The following TDRD5 variants were observed in gnomAD, a reference collection of about 807,000 sequenced individuals.
TDRD5 encodes the protein tudor domain-containing protein 5.
TDRD5 carries 41 observed loss-of-function variants against 120.6 expected under a neutral mutation model. The observed-to-expected ratio is 0.34, with a 90% CI of 0.26 to 0.44. The LOEUF (loss-of-function observed/expected upper bound fraction) is 0.44. Ranked by LOEUF, TDRD5 falls within the 20% of genes least tolerant of loss-of-function variation. TDRD5 has a pLI of 1.00. For missense variants in TDRD5, 1,006 were observed against 1,221.2 expected (o/e 0.82, Z 2.63); for synonymous variants, 430 against 433.7 (o/e 0.99, Z 0.11).
chr1:179,596,353 A>G (rs1008172121), intron 4 of TDRD5, among the ~76,000 whole-genome samples: 1 of 152,246 alleles, frequency 6.6e-6, no homozygotes, highest in Admixed American at 6.5e-5. Flanking sequence ...CATAATTTAC[A>G]TGTAGTAAAA....
At chr1:179,621,239 T>G in intron 6 of TDRD5, 148 bp downstream of exon 6, 1 of 564,678 alleles carries the variant, frequency 1.8e-6, no homozygotes, top group Non-Finnish European at 2.9e-6. Context: ...TTATAAGACT[T>G]GAGAATATGA....
chr1:179,670,025 A>G (rs1372479655), intron 17 of TDRD5, among the ~76,000 whole-genome samples: 1 of 152,214 alleles, frequency 6.6e-6, no homozygotes, highest in East Asian at 1.9e-4. Context: ...GAATTTGACC[A>G]TTATGAATAA....
At chr1:179,651,659 A>T (rs1444523293) in intron 12 of TDRD5, among the ~76,000 whole-genome samples, 1 of 152,208 alleles carries the variant, frequency 6.6e-6, no homozygotes, top group East Asian at 1.9e-4. Flanking sequence ...CACGCCTGTA[A>T]TCCCAGTACT....
chr1:179,657,466 AG>A (rs1304339595), intron 14 of TDRD5, among the ~76,000 whole-genome samples: 1 of 151,984 alleles, frequency 6.6e-6, no homozygotes, highest in African/African-American at 2.4e-5. Flanking sequence ...TATCCATTCT[AG>A]GGGGTGTTTT....
chr1:179,624,195 G>T (rs901360629), intron 6 of TDRD5, among the ~76,000 whole-genome samples: 2 of 152,114 alleles, frequency 1.3e-5, no homozygotes, highest in African/African-American at 4.8e-5. Flanking sequence ...GATTATTTTG[G>T]TAGATGCAGA....
chr1:179,625,006 G>A (rs932595594), intron 6 of TDRD5, among the ~76,000 whole-genome samples: 1 of 151,948 alleles, frequency 6.6e-6, no homozygotes, highest in African/African-American at 2.4e-5. Context: ...GGGCATGGTG[G>A]CTCATGCCTG....
rs931725817 is a variant in TDRD5, at chr1:179,650,880, C to T, written c.1814C>T (p.Ser605Leu). ...ATCATATTTCAGGAACACTGGACAT[C>T]GAAAGCTATTTTGCAGTTCCAGAAG... Reference protein sequence around the residue: ...WVRPVEEHWTSKAILQFQKLC... With the variant: ...WVRPVEEHWTLKAILQFQKLC... Residue 605 changes from serine to leucine, a missense_variant, in exon 12 of 18, where the codon TCG becomes TTG. By Grantham distance (145) the Ser-to-Leu change is moderately radical. This residue lies in a region of TDRD5 where 158 missense variants were observed against 257.5 expected (regional missense o/e 0.61). Coordinates refer to ENST00000444136, the MANE Select transcript of TDRD5 (RefSeq NM_001199085.3). The T allele has an allele frequency of 4.3e-6, 7 of 1,614,070 alleles. No individual in the cohort carries two copies. The South Asian group carries it at 4.4e-5, about 10-fold the overall frequency.
At chr1:179,609,884 T>G (rs1676189850) in intron 4 of TDRD5, among the ~76,000 whole-genome samples, 1 of 152,180 alleles carries the variant, frequency 6.6e-6, no homozygotes, top group Non-Finnish European at 1.5e-5. Flanking sequence ...TATTTCTGTG[T>G]CACTCCTCCT....
At chr1:179,671,038 G>A (rs1223110152) in intron 17 of TDRD5, among the ~76,000 whole-genome samples, 1 of 152,216 alleles carries the variant, frequency 6.6e-6, no homozygotes, top group Non-Finnish European at 1.5e-5. Context: ...AGGGTATGAT[G>A]TGAGGATCAA....
At chr1:179,605,556 C>G (rs1260097072) in intron 4 of TDRD5, among the ~76,000 whole-genome samples, 1 of 152,100 alleles carries the variant, frequency 6.6e-6, no homozygotes, top group East Asian at 1.9e-4. Flanking sequence ...TGACATATAT[C>G]CACTATTGTA....
chr1:179,663,407 T>C lies in TDRD5; in HGVS notation c.2565T>C (p.Leu855=). ...TWDDSWQPSG[L]VNGTKVEVHK... Reference sequence around the variant, plus strand: ...ATGATTCTTGGCAGCCTTCAGGCCTTGTAAATGGAACGAAAGTAGAAGTTC... The same window carrying C: ...ATGATTCTTGGCAGCCTTCAGGCCTCGTAAATGGAACGAAAGTAGAAGTTC... The change falls in exon 16 of 18, where the codon CTT becomes CTC. Residue 855 remains leucine, a synonymous_variant. Coordinates refer to ENST00000444136, the MANE Select transcript of TDRD5 (RefSeq NM_001199085.3). 1.2e-6 allele frequency: 2 copies of C among 1,613,856 alleles called. No homozygotes were observed. Among genetic ancestry groups the C allele is most frequent in the Admixed American group, 1.7e-5 (1 of 59,986 alleles).
chr1:179,690,610 T>C, intron 17 of TDRD5, 86 bp from the exon 18 acceptor site: 1 of 1,522,588 alleles, frequency 6.6e-7, no homozygotes, highest in Non-Finnish European at 8.8e-7. Flanking sequence ...TTGTAACACA[T>C]ATTAGTATAG....
At chr1:179,604,995 G>A (rs1300158070) in intron 4 of TDRD5, among the ~76,000 whole-genome samples, 2 of 151,998 alleles carry the variant, frequency 1.3e-5, no homozygotes, top group Non-Finnish European at 2.9e-5. Context: ...CTATTATTGT[G>A]TTGCTGTCTA....
In TDRD5 at chr1:179,593,398, C is replaced by T. The variant is rs112915781; in HGVS notation, c.233-62C>T. On this transcript the variant is annotated intron_variant, in intron 2 of 17. Transcript: ENST00000444136. Reference sequence around the variant, plus strand: ...GTTAAAAACTGTATAAACACAGATACTAAGGATAAAGAAGGGAGTAAGTTT... The same window carrying T: ...GTTAAAAACTGTATAAACACAGATATTAAGGATAAAGAAGGGAGTAAGTTT... 3.5e-5 allele frequency: 54 copies of T among 1,522,370 alleles called. No individual in the cohort carries two copies. The African/African-American group carries it at 4.7e-4, about 13-fold the overall frequency. The allele number at this position is 1,522,370 out of a possible 1,614,324, so 94.3% of individuals were successfully genotyped here.
At chr1:179,631,158 G>C (rs1053048281) in intron 7 of TDRD5, among the ~76,000 whole-genome samples, 1 of 152,132 alleles carries the variant, frequency 6.6e-6, no homozygotes. Flanking sequence ...TTGGGAGGCC[G>C]AGGTGGGCGG....
At chr1:179,601,320 G>A (rs1675699074) in intron 4 of TDRD5, among the ~76,000 whole-genome samples, 2 of 152,114 alleles carry the variant, frequency 1.3e-5, no homozygotes, top group African/African-American at 2.4e-5. Context: ...TTGGTTACAT[G>A]AGTAAATTCT....
At chr1:179,669,449 A>G in intron 17 of TDRD5, 45 bp downstream of exon 17, 2 of 1,599,010 alleles carry the variant, frequency 1.3e-6, no homozygotes, top group South Asian at 2.2e-5. Context: ...GACAAACATG[A>G]TGGTTTGCCA....
At chr1:179,665,383 A>C (rs1679507908) in intron 16 of TDRD5, among the ~76,000 whole-genome samples, 1 of 152,142 alleles carries the variant, frequency 6.6e-6, no homozygotes, top group Non-Finnish European at 1.5e-5. Flanking sequence ...TTTAGCTCTT[A>C]CATTTAGGCC....
At chr1:179,658,381 A>G (rs888754734) in intron 14 of TDRD5, among the ~76,000 whole-genome samples, 2 of 152,204 alleles carry the variant, frequency 1.3e-5, no homozygotes, top group Admixed American at 6.5e-5. Context: ...TTATAAAACT[A>G]TCTGGGCCTG....
Sources: gnomAD v4.1 joint callset for allele counts (sites outside exome capture counted in the v4.1 genomes callset) on GRCh38, gnomAD v4.1.1 for gene constraint, gnomAD v4.1.1 regional missense constraint, MANE v1.5 for transcripts, NCBI Gene and HGNC (gene_info 2026-07-23, HGNC 2026-07-21) for gene names.